Variants in RBFOX2 observed in about 807,000 individuals in gnomAD.
The protein encoded by RBFOX2 is RNA binding fox-1 homolog 2, also known as RNA binding protein fox-1 homolog 2.
RBFOX2 carries 10 observed loss-of-function variants against 49.1 expected under a neutral mutation model. The observed-to-expected ratio is 0.20, with a 90% CI of 0.13 to 0.35. The LOEUF is 0.35. Ranked by LOEUF, RBFOX2 falls within the 10% of genes least tolerant of loss-of-function variation. The probability of loss-of-function intolerance (pLI) is 1.00; values close to 1 mark genes in which losing one functional copy is unlikely to be tolerated. For missense variants in RBFOX2, 323 were observed against 486.9 expected (o/e 0.66, Z 3.17); for synonymous variants, 183 against 187.4 (o/e 0.98, Z 0.19).
At chr22:35,762,165 T>G (rs1939134656) in intron 6 of RBFOX2, among the ~76,000 whole-genome samples, 1 of 152,244 alleles carries the variant, frequency 6.6e-6, no homozygotes, top group South Asian at 2.1e-4. Flanking sequence ...ACCAGAATAC[T>G]GTGGAACATT....
intron 9 of RBFOX2, among the ~76,000 whole-genome samples, chr22:35,758,853 C>A (rs1937675882): frequency 6.6e-6 from 1 of 152,178 alleles, no homozygotes; most frequent in African/African-American, 2.4e-5. Context: ...TAAATTAGTA[C>A]ACCTCAAGGC....
chr22:35,744,077 GTTT>G (rs555384019), exon 12 of RBFOX2: 30,168 of 771,600 alleles, frequency 0.039, 702 homozygotes, highest in Non-Finnish European at 0.044. Flanking sequence ...CTTTTTTTGT[GTTT>G]TTTTTTGTTT....
In RBFOX2 at chr22:35,762,503, C is replaced by CTT. The variant is rs769912529; in HGVS notation, c.608-1037_608-1036dup. Among the ~76,000 whole-genome samples the CTT allele has an allele frequency of 3.7e-3, 463 of 126,792 alleles. 3 individuals are homozygous for CTT. The highest frequency in any genetic ancestry group is 7.8e-3 in the African/African-American group (261 of 33,320). 83.2% of individuals were successfully genotyped at this position (126,792 alleles called of 152,430 possible). A position where few individuals can be genotyped will look rare whatever the true frequency, so the allele number is the denominator to read the frequency against. The stretch of plus-strand genomic sequence containing the variant: ...AGAAAAAGGCCAGAATTGGCCTCCT[C>CTT]TTTTTTTTTTTTTTTTTTTTTGAGA... On this transcript the variant is annotated intron_variant, in intron 6 of 11. Coordinates refer to ENST00000405409, the Ensembl canonical transcript of RBFOX2.
At chr22:35,826,342 CAA>C (rs1160241662) in intron 1 of RBFOX2, among the ~76,000 whole-genome samples, 16 of 62,214 alleles carry the variant, frequency 2.6e-4, no homozygotes, top group East Asian at 6.5e-4. Context: ...AACTCCATCT[CAA>C]AAAAAAAAAA....
At chr22:35,947,672 TAAAAAAAAAAAAA>T (rs559788717) in intron 1 of RBFOX2, among the ~76,000 whole-genome samples, 9 of 34,124 alleles carry the variant, frequency 2.6e-4, no homozygotes, top group Admixed American at 1.1e-3. Flanking sequence ...GTTTAAAAAG[TAAAAAAAAAAAAA>T]AAAAAAAAAA....
At chr22:35,898,274 C>G (rs1340950667) in intron 1 of RBFOX2, 1 of 751,870 alleles carries the variant, frequency 1.3e-6, no homozygotes, top group Non-Finnish European at 2.5e-6. Context: ...TTCACCTTTC[C>G]CATGAGGTAT....
intron 2 of RBFOX2, among the ~76,000 whole-genome samples, chr22:35,789,173 A>C (rs1483040001): frequency 6.6e-6 from 1 of 152,170 alleles, no homozygotes; most frequent in Non-Finnish European, 1.5e-5. Context: ...AAAATCTATA[A>C]AGGATAGAAA....
chr22:35,819,757 C>G (rs117005627), intron 1 of RBFOX2, among the ~76,000 whole-genome samples: 2,661 of 152,166 alleles, frequency 0.017, 25 homozygotes, highest in Middle Eastern at 0.027. Context: ...TAGGAAGAGA[C>G]AAATAATAAA....
At chr22:35,748,640 A>C (rs1933706193) in intron 9 of RBFOX2, 3 of 152,188 alleles carry the variant, frequency 2.0e-5, no homozygotes, top group Admixed American at 1.3e-4. Flanking sequence ...TATTTAGTAA[A>C]ACTTCTTTGC....
At chr22:35,765,829 A>T (rs1371853590) in intron 5 of RBFOX2, among the ~76,000 whole-genome samples, 1 of 152,208 alleles carries the variant, frequency 6.6e-6, no homozygotes, top group Non-Finnish European at 1.5e-5. Context: ...ATTCACTTTG[A>T]AGTCTGTTAA....
intron 1 of RBFOX2, among the ~76,000 whole-genome samples, chr22:35,818,330 C>CT (rs1305450573): frequency 6.6e-6 from 1 of 152,200 alleles, no homozygotes; most frequent in Non-Finnish European, 1.5e-5. Flanking sequence ...AGTTAACTGT[C>CT]TGTTCTATTC....
chr22:35,910,995 T>C (rs1166993761), intron 1 of RBFOX2, among the ~76,000 whole-genome samples: 2 of 152,212 alleles, frequency 1.3e-5, no homozygotes, highest in African/African-American at 4.8e-5. Flanking sequence ...GTAAATATAA[T>C]AGTCCCCCAC....
At chr22:35,768,645 CTATT>C (rs1223986682) in intron 4 of RBFOX2, among the ~76,000 whole-genome samples, 1 of 152,168 alleles carries the variant, frequency 6.6e-6, no homozygotes, top group Non-Finnish European at 1.5e-5. Context: ...TCGGGTCAAA[CTATT>C]CAACCAAAAA....
intron 1 of RBFOX2, among the ~76,000 whole-genome samples, chr22:36,026,572 A>C (rs1556557916): frequency 4.0e-5 from 6 of 151,512 alleles, no homozygotes; most frequent in South Asian, 2.1e-4. Flanking sequence ...ACACACACAC[A>C]CCAAGTAGAA....
chr22:36,024,524 T>C (rs1365272281), intron 1 of RBFOX2, among the ~76,000 whole-genome samples: 1 of 152,064 alleles, frequency 6.6e-6, no homozygotes. Context: ...GGCGATCACC[T>C]GAGGTCAGGA....
At chr22:35,765,090 G>A (rs891147854) in intron 6 of RBFOX2, among the ~76,000 whole-genome samples, 2 of 151,048 alleles carry the variant, frequency 1.3e-5, no homozygotes, top group African/African-American at 2.4e-5. Flanking sequence ...GGGGTATTAC[G>A]GACAAGTCTA....
chr22:35,816,363 A>C (rs1953055267), intron 1 of RBFOX2, among the ~76,000 whole-genome samples: 2 of 152,178 alleles, frequency 1.3e-5, no homozygotes, highest in African/African-American at 2.4e-5. Context: ...TGTAGGGTAG[A>C]ATTGTTTTGC....
Position 35,915,550 on chromosome 22 carries a change from A to G in RBFOX2, c.-34+23297T>C, listed in dbSNP as rs531040863. ...CTACAGGGACTCCACACGACTGGTC[A>G]GTAAGGAGCTGCTGAAAAGTGCATT... On this transcript the variant is annotated intron_variant, in intron 1 of 13. Transcript: ENST00000359369. Among the ~76,000 whole-genome samples, 6 of 152,342 alleles carry G rather than the reference A, an allele frequency of 3.9e-5. No homozygotes were observed. The South Asian group carries it at 1.2e-3, about 32-fold the overall frequency.
chr22:36,005,658 T>C (rs377010073), intron 1 of RBFOX2, among the ~76,000 whole-genome samples: 4 of 152,214 alleles, frequency 2.6e-5, no homozygotes, highest in African/African-American at 7.2e-5. Context: ...TCAGAAGAGA[T>C]AGGCAGCACA....
Sources: allele counts gnomAD v4.1 joint callset (sites outside exome capture counted in the v4.1 genomes callset), GRCh38; gene constraint gnomAD v4.1.1; transcripts MANE v1.5; gene names NCBI Gene and HGNC (gene_info 2026-07-23, HGNC 2026-07-21).